RHCG: variants seen among roughly 807,000 people sequenced by gnomAD.
RHCG encodes the protein ammonium transporter Rh type C.
RHCG carries 39 observed loss-of-function variants against 55.3 expected under a neutral mutation model. That is an observed-to-expected ratio of 0.70 (90% confidence interval 0.55 to 0.92). The LOEUF is 0.92. RHCG is among the 40% of genes least tolerant of loss of function. The pLI is 0.00. For synonymous variants in RHCG, 250 were observed against 246.8 expected (o/e 1.01, Z -0.12); for missense variants, 635 against 627.9 (o/e 1.01, Z -0.12).
At position 89,483,075 on chromosome 15, in the gene RHCG, G is replaced by A. The variant is rs1961295732; in HGVS notation, c.514C>T (p.Leu172=). ...FAVNEFILLN[L]LKVKDAGGSM... ...TTCTGAGCCCTGCTCACCTTTAGCA[G>A]GTTAAGGAGAATGAACTCATTCACA... The change falls in exon 3 of 11, where the codon CTG becomes TTG. Residue 172 remains leucine (L), a synonymous_variant. Transcript: ENST00000268122. 1 of 1,594,888 alleles carries A rather than the reference G, an allele frequency of 6.3e-7. No homozygotes were observed. Among genetic ancestry groups the A allele is most frequent in the Non-Finnish European group, 8.6e-7 (1 of 1,164,342 alleles).
intron 4 of RHCG, chr15:89,479,785 A>G: frequency 2.3e-6 from 1 of 439,116 alleles, no homozygotes; most frequent in Non-Finnish European, 4.1e-6. Context: ...TACTGTAGGG[A>G]GATCCTCCAC....
chr15:89,491,179 G>C (rs749062874), intron 1 of RHCG, among the ~76,000 whole-genome samples: 21 of 152,246 alleles, frequency 1.4e-4, no homozygotes, highest in Non-Finnish European at 1.5e-4. Context: ...TGTGGCCTGA[G>C]AGCAGGAGCA....
Position 89,472,845 on chromosome 15 carries a change from T to A in RHCG, c.1330A>T (p.Thr444Ser). 1.3e-6 allele frequency: 2 copies of A among 1,507,578 alleles called. No individual in the cohort carries two copies. The highest frequency in any genetic ancestry group is 1.8e-6 in the Non-Finnish European group (2 of 1,121,190). The allele number at this position is 1,507,578 out of a possible 1,614,324, so 93.4% of individuals were successfully genotyped here. Residue 444 changes from threonine to serine, a missense_variant, in exon 10 of 11, where the codon ACT (threonine) becomes TCT (serine). Physicochemically the swap from Thr to Ser is moderately conservative, Grantham distance 58. Coordinates refer to ENST00000268122, the MANE Select transcript of RHCG (RefSeq NM_016321.3). ...VYWEMPEGNS[T>S]VYIPEDPTFK... ...GTGGGGTCCTCAGGGATGTAGACAG[T>A]GCTGTTCCCTTCAGGCATCTACAGA...
At chr15:89,474,245 C>T (rs900155020) in intron 9 of RHCG, among the ~76,000 whole-genome samples, 23 of 152,048 alleles carry the variant, frequency 1.5e-4, no homozygotes, top group Non-Finnish European at 1.6e-4. Flanking sequence ...ACTGTATTTC[C>T]AGATTTTCTT....
At position 89,477,297 on chromosome 15, in the gene RHCG, G is replaced by T. The variant is rs182703586; in HGVS notation, c.1113-91C>A. The T allele has an allele frequency of 1.8e-4, 274 of 1,543,588 alleles. No individual in the cohort carries two copies. In the African/African-American group the frequency reaches 3.3e-3, roughly 19 times the overall value. On this transcript the variant is annotated intron_variant, in intron 7 of 10. Coordinates refer to ENST00000268122, the MANE Select transcript of RHCG (RefSeq NM_016321.3). The surrounding 1 kb of genome is among the most constrained non-coding windows in gnomAD (Gnocchi z 4.5). ...CCAAAAATGTGACCGGGTACCACGG[G>T]CCTCAGCCTTCCCACCCACAACATG... is the stretch of plus-strand genomic sequence containing the variant.
chr15:89,483,043 A>G, intron 3 of RHCG, 24 bp downstream of exon 3: 2 of 1,542,222 alleles, frequency 1.3e-6, no homozygotes, highest in Non-Finnish European at 1.8e-6. Flanking sequence ...CCACCACCTC[A>G]TCCCCATTCT....
intron 1 of RHCG, 110 bp from the exon 2 acceptor site, chr15:89,487,095 G>A (rs570986303): frequency 7.1e-6 from 7 of 991,216 alleles, no homozygotes; most frequent in Admixed American, 6.5e-5. Flanking sequence ...CGCCACTGGC[G>A]CGTCTCCCTG....
At chr15:89,490,414 G>C (rs1284864376) in intron 1 of RHCG, among the ~76,000 whole-genome samples, 2 of 152,240 alleles carry the variant, frequency 1.3e-5, no homozygotes, top group Non-Finnish European at 2.9e-5. Flanking sequence ...TTTAGCATCG[G>C]TGCTGAGTTT....
In RHCG at chr15:89,477,463, G is replaced by C; in HGVS notation, c.1112+54C>G. The C allele has an allele frequency of 5.6e-6, 9 of 1,602,294 alleles. No homozygotes were observed. The highest frequency in any genetic ancestry group is 7.7e-6 in the Non-Finnish European group (9 of 1,173,194). On this transcript the variant is annotated intron_variant, in intron 7 of 10. Coordinates refer to ENST00000268122, the MANE Select transcript of RHCG (RefSeq NM_016321.3). This position sits in a 1 kb window ranked among gnomAD's most constrained non-coding sequence, Gnocchi z 4.5. ...GTCCCAGAGGAATAGCAGGAAGAAG[G>C]GATGGGAGAAGGAAGGGGGAAGCTC...
intron 9 of RHCG, among the ~76,000 whole-genome samples, chr15:89,475,804 T>C (rs1366117179): frequency 6.6e-6 from 1 of 152,178 alleles, no homozygotes; most frequent in Non-Finnish European, 1.5e-5. Context: ...GGGCCTGGGC[T>C]TTGGAATGCT....
At chr15:89,487,677 G>T (rs1360773971) in intron 1 of RHCG, among the ~76,000 whole-genome samples, 2 of 152,190 alleles carry the variant, frequency 1.3e-5, no homozygotes, top group Admixed American at 6.5e-5. Context: ...CTCTGGGAAA[G>T]TTAAGTATTT....
At chr15:89,494,363 G>A (rs1418687153) in intron 1 of RHCG, among the ~76,000 whole-genome samples, 1 of 152,238 alleles carries the variant, frequency 6.6e-6, no homozygotes, top group Non-Finnish European at 1.5e-5. Context: ...GCCCTGATTT[G>A]CCAGGACAGT....
chr15:89,483,220 G>A lies in RHCG; in HGVS notation c.372-3C>T, dbSNP rs765791274. The A allele has an allele frequency of 2.6e-6, 4 of 1,554,562 alleles. No individual in the cohort carries two copies. The highest frequency in any genetic ancestry group is 3.5e-6 in the Non-Finnish European group (4 of 1,136,024). On this transcript the variant is annotated splice_polypyrimidine_tract_variant and splice_region_variant and intron_variant, in intron 2 of 10. Transcript: ENST00000268122. Reference sequence around the variant, plus strand: ...CGCAGAAGTCAGCGTTGATGAGGCTGTGGGGAGACAGGCCAGTGGAGAAGC... The same window carrying A: ...CGCAGAAGTCAGCGTTGATGAGGCTATGGGGAGACAGGCCAGTGGAGAAGC...
At position 89,477,404 on chromosome 15, in the gene RHCG, G is replaced by C; in HGVS notation, c.1112+113C>G. 1 of 1,479,382 alleles carries C rather than the reference G, an allele frequency of 6.8e-7. No individual in the cohort carries two copies. The allele number at this position is 1,479,382 out of a possible 1,614,324, so 91.6% of individuals were successfully genotyped here. ...AGAGACCCATGAAACAATTGGTCCA[G>C]AGTGGGGAAGGAAAGGGAGAAAGAT... On this transcript the variant is annotated intron_variant, in intron 7 of 10. Transcript: ENST00000268122. The surrounding 1 kb of genome is among the most constrained non-coding windows in gnomAD (Gnocchi z 4.5).
Position 89,486,930 on chromosome 15 carries a change from G to C in RHCG, c.240C>G (p.Phe80Leu). 1 of 1,612,178 alleles carries C rather than the reference G, an allele frequency of 6.2e-7. No homozygotes were observed. Among genetic ancestry groups the C allele is most frequent in the Non-Finnish European group, 8.5e-7 (1 of 1,178,536 alleles). ...VFVGFGFLMT[F>L]LQRYGFSAVG... ...CGGCGCTGAAGCCGTAGCGCTGCAG[G>C]AAAGTCATGAGGAAGCCGAAGCCCA... The change falls in exon 2 of 11, where the codon TTC becomes TTG. Residue 80 changes from phenylalanine to leucine, a missense_variant. Coordinates refer to ENST00000268122, the MANE Select transcript of RHCG (RefSeq NM_016321.3).
chr15:89,496,431 G>C lies in RHCG; in HGVS notation c.114C>G (p.Ala38=). The C allele has an allele frequency of 1.2e-6, 2 of 1,614,046 alleles. No homozygotes were observed. Among genetic ancestry groups the C allele is most frequent in the Non-Finnish European group, 1.7e-6 (2 of 1,179,982 alleles). Residue 38 remains alanine (A), a synonymous_variant, in exon 1 of 11, where the codon GCC becomes GCG. Coordinates refer to ENST00000268122, the MANE Select transcript of RHCG (RefSeq NM_016321.3). ...VFVRYDFEAD[A]HWWSERTHKN... is the part of the protein sequence containing the mutation. Reference sequence around the variant, plus strand: ...TGTGCGTCCTCTCTGACCACCAGTGGGCGTCGGCCTCGAAGTCGTAGCGCA... The same window carrying C: ...TGTGCGTCCTCTCTGACCACCAGTGCGCGTCGGCCTCGAAGTCGTAGCGCA...
In RHCG at chr15:89,496,491, C is replaced by A. The variant is rs752344436; in HGVS notation, c.54G>T (p.Leu18=). Residue 18 remains leucine, a synonymous_variant, in exon 1 of 11, where the codon CTG becomes CTT. Coordinates refer to ENST00000268122, the MANE Select transcript of RHCG (RefSeq NM_016321.3). ...RWRLPLTCLL[L]QVIMVILFGV... ...CGAAGAGAATCACCATAATCACCTGCAGGAGCAGGCAGGTGAGCGGCAGCC... is the reference window on the plus strand; with the variant it reads ...CGAAGAGAATCACCATAATCACCTGAAGGAGCAGGCAGGTGAGCGGCAGCC... 1 of 1,613,618 alleles carries A rather than the reference C, an allele frequency of 6.2e-7. No homozygotes were observed. Among genetic ancestry groups the A allele is most frequent in the Non-Finnish European group, 8.5e-7 (1 of 1,179,906 alleles).
intron 1 of RHCG, among the ~76,000 whole-genome samples, chr15:89,496,068 T>G (rs1248331997): frequency 1.3e-5 from 2 of 152,194 alleles, no homozygotes; most frequent in African/African-American, 4.8e-5. Flanking sequence ...GACTCGGATC[T>G]TCTTAGTATA....
At chr15:89,484,870 A>G (rs1961331178) in intron 2 of RHCG, among the ~76,000 whole-genome samples, 1 of 151,984 alleles carries the variant, frequency 6.6e-6, no homozygotes, top group African/African-American at 2.4e-5. Flanking sequence ...CAGATGCCAC[A>G]TCTCAGGAGG....
Sources: allele counts gnomAD v4.1 joint callset (sites outside exome capture counted in the v4.1 genomes callset), GRCh38; gene constraint gnomAD v4.1.1; non-coding constraint Gnocchi (gnomAD v3.1); transcripts MANE v1.5; gene names NCBI Gene and HGNC (gene_info 2026-07-23, HGNC 2026-07-21).